SLC2A12: variants seen among roughly 807,000 people sequenced by gnomAD.
SLC2A12 encodes the protein solute carrier family 2, facilitated glucose transporter member 12.
A neutral mutation model predicts 41.8 loss-of-function variants in SLC2A12; 23 were observed. The ratio of observed to expected loss-of-function variants is 0.55; its 90% CI spans 0.40 to 0.78. The LOEUF is 0.78. Among genes scored for constraint, SLC2A12 ranks in the 30% least tolerant of loss-of-function variants. The probability of loss-of-function intolerance (pLI) is 0.00; values close to 1 mark genes in which losing one functional copy is unlikely to be tolerated. For synonymous variants in SLC2A12, 295 were observed against 285.9 expected, an observed-to-expected ratio of 1.03 and a Z score of -0.32; for missense variants, 654 against 745.6, an observed-to-expected ratio of 0.88 and a Z score of 1.43.
rs1173692377 is a variant in SLC2A12 at position 134,001,155 on chromosome 6, G to T, written c.1700+842C>A. On this transcript the variant is annotated intron_variant, in intron 4 of 4. Coordinates refer to ENST00000275230, the MANE Select transcript of SLC2A12 (RefSeq NM_145176.3). ...TTCACCCGTTGGTTGGGGACTGGGTGGGGGAAGCATTGGGGGGTGGTGGGG... is the reference window on the plus strand; with the variant it reads ...TTCACCCGTTGGTTGGGGACTGGGTTGGGGAAGCATTGGGGGGTGGTGGGG... 2.6e-5 allele frequency among the ~76,000 whole-genome samples: 4 copies of T among 151,792 alleles called. No homozygotes were observed. The East Asian group carries it at 7.7e-4, about 29-fold the overall frequency.
In SLC2A12 at chr6:133,990,932, G is replaced by A. The variant is rs891555277; in HGVS notation, c.*223C>T. The stretch of plus-strand genomic sequence containing the variant: ...CTTTTTTTTTTTAACCTGATATCCT[G>A]CTCAGAAAAAGAGATCACTTAGGAC... On this transcript the variant is annotated 3_prime_UTR_variant, in exon 5 of 5. Transcript: ENST00000275230. The A allele has an allele frequency of 1.8e-5, 8 of 451,302 alleles. No individual in the cohort carries two copies. Among genetic ancestry groups the A allele is most frequent in the African/African-American group, 8.3e-5 (4 of 48,456 alleles). The allele number at this position is 451,302 out of a possible 1,614,324, so 28.0% of individuals were successfully genotyped here.
chr6:134,008,581 G>A (rs888751852), intron 2 of SLC2A12, among the ~76,000 whole-genome samples: 1 of 152,088 alleles, frequency 6.6e-6, no homozygotes, highest in Admixed American at 6.5e-5. Flanking sequence ...TGGTGGAATC[G>A]CTTTACTTTT....
intron 1 of SLC2A12, among the ~76,000 whole-genome samples, chr6:134,048,915 C>G (rs944517317): frequency 9.9e-5 from 15 of 152,160 alleles, no homozygotes; most frequent in Non-Finnish European, 2.9e-5. Context: ...GTCTCCGTCT[C>G]TTTTACAAGT....
At chr6:134,014,370 T>C (rs1776928190) in intron 2 of SLC2A12, among the ~76,000 whole-genome samples, 1 of 152,108 alleles carries the variant, frequency 6.6e-6, no homozygotes, top group Non-Finnish European at 1.5e-5. Flanking sequence ...ACTGGTCCAG[T>C]CCATGGTCCA....
intron 2 of SLC2A12, among the ~76,000 whole-genome samples, chr6:134,011,872 T>A (rs565809216): frequency 1.3e-5 from 2 of 152,126 alleles, no homozygotes; most frequent in South Asian, 4.2e-4. Flanking sequence ...TGAAACCTCA[T>A]CTCTACTAAA....
chr6:134,008,579 TC>T (rs1227108725), intron 2 of SLC2A12, among the ~76,000 whole-genome samples: 1 of 152,208 alleles, frequency 6.6e-6, no homozygotes, highest in Admixed American at 6.5e-5. Context: ...GTTGGTGGAA[TC>T]GCTTTACTTT....
At position 134,028,541 on chromosome 6, in the gene SLC2A12, C is replaced by G; in HGVS notation, c.1284G>C (p.Lys428Asn). 1 of 1,614,174 alleles carries G rather than the reference C, an allele frequency of 6.2e-7. No homozygotes were observed. Among genetic ancestry groups the G allele is most frequent in the Non-Finnish European group, 8.5e-7 (1 of 1,180,022 alleles). Residue 428 changes from lysine to asparagine, a missense_variant, in exon 2 of 5, where the codon AAG becomes AAC. Coordinates refer to ENST00000275230, the MANE Select transcript of SLC2A12 (RefSeq NM_145176.3). ...SLMPLRNDVD[K>N]RGETTSASLL... ...AGGATGCTGAGGTCGTCTCCCCTCT[C>G]TTATCCACATCATTTCTCAGGGGCA...
chr6:134,026,022 T>C (rs1777108147), intron 2 of SLC2A12, among the ~76,000 whole-genome samples: 2 of 152,154 alleles, frequency 1.3e-5, no homozygotes, highest in Admixed American at 6.5e-5. Flanking sequence ...TAACCATGAG[T>C]AGGTTGGTTC....
chr6:134,045,147 G>A (rs1379954435), intron 1 of SLC2A12, among the ~76,000 whole-genome samples: 2 of 152,196 alleles, frequency 1.3e-5, no homozygotes, highest in East Asian at 3.8e-4. Context: ...AGCTCTGATA[G>A]GTGCATGAAA....
chr6:134,018,095 C>T (rs1324415746), intron 2 of SLC2A12, among the ~76,000 whole-genome samples: 3 of 150,312 alleles, frequency 2.0e-5, no homozygotes, highest in African/African-American at 7.4e-5. Context: ...ACCACAGCAT[C>T]GTAAATCAAT....
At chr6:134,000,467 G>T (rs542715918) in intron 4 of SLC2A12, among the ~76,000 whole-genome samples, 1 of 152,132 alleles carries the variant, frequency 6.6e-6, no homozygotes, top group Non-Finnish European at 1.5e-5. Flanking sequence ...CTGAAGAATC[G>T]CTATGCCCAC....
chr6:133,992,851 AG>A (rs1487606766), intron 4 of SLC2A12, among the ~76,000 whole-genome samples: 3 of 152,152 alleles, frequency 2.0e-5, no homozygotes, highest in Admixed American at 2.0e-4. Flanking sequence ...TGAATGAAGC[AG>A]TGATTGGAAA....
intron 1 of SLC2A12, among the ~76,000 whole-genome samples, chr6:134,039,145 C>A (rs1777346694): frequency 6.6e-6 from 1 of 152,160 alleles, no homozygotes; most frequent in Non-Finnish European, 1.5e-5. Context: ...TGTTTAGACA[C>A]AGTTATTTAT....
At chr6:134,050,202 C>T (rs1312382046) in intron 1 of SLC2A12, among the ~76,000 whole-genome samples, 1 of 152,100 alleles carries the variant, frequency 6.6e-6, no homozygotes, top group Non-Finnish European at 1.5e-5. Flanking sequence ...TTCATTTATA[C>T]ATATGTATGT....
rs59102121 is a variant in SLC2A12, at chr6:133,987,648, GTA to G, written c.*3505_*3506del. 889 of 88,204 alleles carry G rather than the reference GTA, an allele frequency of 0.01. 12 individuals carry two copies. Among genetic ancestry groups the G allele is most frequent in the African/African-American group, 0.02 (561 of 27,564 alleles). 5.5% of individuals were successfully genotyped at this position (88,204 alleles called of 1,614,324 possible). A position where few individuals can be genotyped will look rare whatever the true frequency, so the allele number is the denominator to read the frequency against. On this transcript the variant is annotated 3_prime_UTR_variant, in exon 5 of 5. Coordinates refer to ENST00000275230, the MANE Select transcript of SLC2A12 (RefSeq NM_145176.3). ...TTTGTGTGTGTGTGTGTGTGTGTGT[GTA>G]TATATATATATATATATGCACCACA... is the stretch of plus-strand genomic sequence containing the variant.
intron 4 of SLC2A12, among the ~76,000 whole-genome samples, chr6:133,993,825 TTGA>T (rs1776652490): frequency 6.6e-6 from 1 of 151,988 alleles, no homozygotes; most frequent in South Asian, 2.1e-4. Context: ...TTGAGCATGC[TTGA>T]TGTGTCTGGG....
intron 2 of SLC2A12, among the ~76,000 whole-genome samples, chr6:134,017,782 A>C (rs1335497543): frequency 6.6e-6 from 1 of 151,786 alleles, no homozygotes; most frequent in Non-Finnish European, 1.5e-5. Flanking sequence ...TGAACCCGGA[A>C]GGCGGAGCTT....
chr6:134,025,482 A>T (rs1777101440), intron 2 of SLC2A12, among the ~76,000 whole-genome samples: 1 of 152,230 alleles, frequency 6.6e-6, no homozygotes, highest in Non-Finnish European at 1.5e-5. Flanking sequence ...TCTAAAGCTT[A>T]AACCATATTT....
intron 1 of SLC2A12, among the ~76,000 whole-genome samples, chr6:134,032,805 ATTTATATC>A (rs1777239526): frequency 9.7e-6 from 1 of 103,144 alleles, no homozygotes; most frequent in Non-Finnish European, 2.1e-5. Context: ...TATATATATA[ATTTATATC>A]TATATATATA....
Sources: gnomAD v4.1 joint callset for allele counts (sites outside exome capture counted in the v4.1 genomes callset) on GRCh38, gnomAD v4.1.1 for gene constraint, MANE v1.5 for transcripts, NCBI Gene and HGNC (gene_info 2026-07-23, HGNC 2026-07-21) for gene names.